RGS3: variants seen among roughly 807,000 people sequenced by gnomAD.
The protein encoded by RGS3 is regulator of G-protein signalling 3.
In RGS3, 80 loss-of-function variants were observed where a neutral mutation model predicts 132.6. That is an observed-to-expected ratio of 0.60 (90% CI 0.50 to 0.73). The LOEUF is 0.73. Among genes scored for constraint, RGS3 ranks in the 30% least tolerant of loss-of-function variants. The probability of loss-of-function intolerance (pLI) is 0.00; values close to 1 mark genes in which losing one functional copy is unlikely to be tolerated. For missense variants in RGS3, 1,382 were observed against 1,530.8 expected (o/e 0.90, Z 1.62); for synonymous variants, 598 against 620.6 (o/e 0.96, Z 0.54).
At chr9:113,546,372 C>T (rs1833116473) in intron 19 of RGS3, among the ~76,000 whole-genome samples, 1 of 152,138 alleles carries the variant, frequency 6.6e-6, no homozygotes, top group South Asian at 2.1e-4. Context: ...ACAATTCATC[C>T]TTAGCATCTG....
chr9:113,461,190 C>T (rs1449476663), intron 1 of RGS3, among the ~76,000 whole-genome samples: 5 of 151,882 alleles, frequency 3.3e-5, no homozygotes, highest in Admixed American at 1.3e-4. Context: ...TGATTGTTAT[C>T]GTGTGTGGTA....
At position 113,486,992 on chromosome 9, in the gene RGS3, A is replaced by G. The variant is rs1297130007; in HGVS notation, c.689+1299A>G. On this transcript the variant is annotated intron_variant, in intron 7 of 24. Coordinates refer to ENST00000350696, the Ensembl canonical transcript of RGS3. The stretch of plus-strand genomic sequence containing the variant: ...CTTTCCTATCGGATCACCGATAGAG[A>G]CTTGGAGCTGAGAGTGAGGAGGGGG... 2.0e-5 allele frequency among the ~76,000 whole-genome samples: 3 copies of G among 150,366 alleles called. No homozygotes were observed. In the East Asian group the frequency reaches 5.8e-4, roughly 29 times the overall value.
In RGS3 at chr9:113,507,175, C is replaced by T; in HGVS notation, c.1086-112C>T. On this transcript the variant is annotated intron_variant, in intron 12 of 24. Transcript: ENST00000350696. This position sits in a 1 kb window ranked among gnomAD's most constrained non-coding sequence, Gnocchi z 5.0. The stretch of plus-strand genomic sequence containing the variant: ...TGCCCTGACACTGGGGGCTTCCCCT[C>T]TGGTGTCTGCCTCCTCTTCCCCCAT... 1 of 843,670 alleles carries T rather than the reference C, an allele frequency of 1.2e-6. No homozygotes were observed. 52.3% of individuals were successfully genotyped at this position (843,670 alleles called of 1,614,324 possible).
In RGS3 at chr9:113,569,634, CTT is replaced by C. The variant is rs1439097313; in HGVS notation, c.2038-13815_2038-13814del. ...CCTTCCTTCCTTCCTTCCTTCCTTCCTTCCTTCCCTCCTTCCTTCCATGTGTG... is the reference window on the plus strand; with the variant it reads ...CCTTCCTTCCTTCCTTCCTTCCTTCCCCTTCCCTCCTTCCTTCCATGTGTG... On this transcript the variant is annotated intron_variant, in intron 19 of 24. Transcript: ENST00000350696. Among the ~76,000 whole-genome samples, 8 of 150,450 alleles carry C rather than the reference CTT, an allele frequency of 5.3e-5. No individual in the cohort carries two copies. The East Asian group carries it at 1.2e-3, about 22-fold the overall frequency.
Position 113,498,012 on chromosome 9 carries a change from T to C in RGS3, c.842-13T>C. On this transcript the variant is annotated splice_polypyrimidine_tract_variant and intron_variant, in intron 9 of 24. Transcript: ENST00000350696. ...CACCAGAAGTTTTCTGATTCTGCTC[T>C]GTCACCTTCCAGACCCGCTGCTGAG... 1.2e-6 allele frequency: 2 copies of C among 1,613,926 alleles called. No homozygotes were observed. The highest frequency in any genetic ancestry group is 1.7e-6 in the Non-Finnish European group (2 of 1,179,852).
intron 10 of RGS3, among the ~76,000 whole-genome samples, chr9:113,498,922 A>G (rs1284261976): frequency 7.9e-6 from 1 of 126,682 alleles, no homozygotes; most frequent in African/African-American, 3.2e-5. Flanking sequence ...GTCTCAATTG[A>G]AAAAAAAAAA....
At chr9:113,583,829 C>T (rs747238811) in exon 20 of RGS3, 2 of 1,614,048 alleles carry the variant, frequency 1.2e-6, no homozygotes, top group Admixed American at 3.3e-5. Flanking sequence ...ATCCAGGAAT[C>T]CCCCACCCGG....
chr9:113,520,600 G>A (rs932445512), intron 16 of RGS3, among the ~76,000 whole-genome samples: 1 of 144,956 alleles, frequency 6.9e-6, no homozygotes, highest in Non-Finnish European at 1.5e-5. Context: ...GTCGGCTCCA[G>A]CCCTTCCCCT....
chr9:113,446,693 GC>G (rs1046887106), intron 1 of RGS3, among the ~76,000 whole-genome samples: 1 of 152,088 alleles, frequency 6.6e-6, no homozygotes, highest in Non-Finnish European at 1.5e-5. Context: ...CGTGTAGGAA[GC>G]CCTTGATCAA....
chr9:113,595,712 T>C (rs761783490), exon 24 of RGS3: 11 of 1,614,158 alleles, frequency 6.8e-6, no homozygotes, highest in Middle Eastern at 1.7e-4. Flanking sequence ...CAAGATGGCA[T>C]CCAAGGCCAA....
intron 24 of RGS3, among the ~76,000 whole-genome samples, chr9:113,596,474 T>G (rs564595631): frequency 6.6e-6 from 1 of 152,338 alleles, no homozygotes; most frequent in East Asian, 1.9e-4. Context: ...CTCACCGCAC[T>G]TAAGTAATTT....
At position 113,507,290 on chromosome 9, in the gene RGS3, C is replaced by T. The variant is rs1281824111; in HGVS notation, c.1089C>T (p.Ser363=). 7 of 1,605,426 alleles carry T rather than the reference C, an allele frequency of 4.4e-6. No homozygotes were observed. The highest frequency in any genetic ancestry group is 1.3e-5 in the African/African-American group (1 of 74,856). Residue 363 remains serine (S), a synonymous_variant, in exon 13 of 25, where the codon AGC becomes AGT. Coordinates refer to ENST00000350696, the Ensembl canonical transcript of RGS3. The surrounding 1 kb of genome is among the most constrained non-coding windows in gnomAD (Gnocchi z 5.0). ...TGTGTGATCCCCCACCTTCCAGGAG[C>T]TGCCCCAGTGAGATCATCCTACTCG...
upstream of RGS3, among the ~76,000 whole-genome samples, chr9:113,458,426 G>T (rs183745444): frequency 1.6e-4 from 25 of 152,216 alleles, no homozygotes; most frequent in Admixed American, 1.4e-3. Flanking sequence ...AACCATTTTT[G>T]CATCTCTAGG....
chr9:113,524,502 A>C (rs570319559), intron 17 of RGS3, among the ~76,000 whole-genome samples: 5 of 152,332 alleles, frequency 3.3e-5, no homozygotes, highest in South Asian at 2.1e-4. Context: ...TCCTGCGAGA[A>C]GGAGGGAGGG....
intron 7 of RGS3, among the ~76,000 whole-genome samples, chr9:113,492,288 C>G (rs376250660): frequency 4.6e-5 from 7 of 152,156 alleles, no homozygotes; most frequent in African/African-American, 1.7e-4. Flanking sequence ...ACGGCTGTTC[C>G]CTCTGCCCAA....
At chr9:113,525,312 C>T (rs1038700210) in intron 17 of RGS3, among the ~76,000 whole-genome samples, 2 of 152,182 alleles carry the variant, frequency 1.3e-5, no homozygotes, top group Non-Finnish European at 2.9e-5. Flanking sequence ...CTTCCCCCAG[C>T]TGCCCCCACT....
intron 10 of RGS3, chr9:113,501,513 G>T (rs905239067): frequency 6.5e-7 from 1 of 1,532,790 alleles, no homozygotes; most frequent in Non-Finnish European, 8.7e-7. Flanking sequence ...GTCCAGTGCG[G>T]GCTCCCGCTG....
chr9:113,586,729 C>T (rs908713727), intron 20 of RGS3, among the ~76,000 whole-genome samples: 11 of 152,232 alleles, frequency 7.2e-5, no homozygotes, highest in African/African-American at 1.2e-4. Flanking sequence ...GATGAAGCCC[C>T]GGATGGGACA....
chr9:113,565,909 G>GTC lies in RGS3; in HGVS notation c.2038-17540_2038-17539insCT, dbSNP rs1554779115. 1.4e-5 allele frequency among the ~76,000 whole-genome samples: 2 copies of GTC among 146,824 alleles called. No homozygotes were observed. Among genetic ancestry groups the GTC allele is most frequent in the African/African-American group, 5.1e-5 (2 of 39,084 alleles). ...TGTGTGTGTGTGTGTGTGTGTGTGT[G>GTC]TGTGTGTCTGTCTGTCTGTCTGTCT... is the stretch of plus-strand genomic sequence containing the variant. On this transcript the variant is annotated intron_variant, in intron 19 of 24. Coordinates refer to ENST00000350696, the Ensembl canonical transcript of RGS3. The surrounding 1 kb of genome is among the most constrained non-coding windows in gnomAD (Gnocchi z 5.7).
Sources: gnomAD v4.1 joint callset for allele counts (sites outside exome capture counted in the v4.1 genomes callset) on GRCh38, gnomAD v4.1.1 for gene constraint, Gnocchi (gnomAD v3.1) non-coding constraint, MANE v1.5 for transcripts, NCBI Gene and HGNC (gene_info 2026-07-23, HGNC 2026-07-21) for gene names.